ST18: variants seen among roughly 807,000 people sequenced by gnomAD.
ST18 encodes the protein suppression of tumorigenicity 18 protein.
In ST18, 50 loss-of-function variants were observed where a neutral mutation model predicts 110.0. The ratio of observed to expected loss-of-function variants is 0.45; its 90% CI spans 0.36 to 0.58. The LOEUF is 0.58. Ranked by LOEUF, ST18 falls within the 20% of genes least tolerant of loss-of-function variation. The pLI, the probability that ST18 is intolerant of heterozygous loss-of-function variation, is 0.00. For missense variants in ST18, 1,306 were observed against 1,280.1 expected (o/e 1.02, Z -0.31); for synonymous variants, 461 against 452.4 (o/e 1.02, Z -0.24).
At chr8:52,185,009 G>GA (rs1324629229) in intron 8 of ST18, among the ~76,000 whole-genome samples, 1 of 151,952 alleles carries the variant, frequency 6.6e-6, no homozygotes, top group Admixed American at 6.6e-5. Flanking sequence ...GATTGAAAAA[G>GA]AAAAAATTAA....
chr8:52,268,469 A>ATCTG (rs1365315019), intron 2 of ST18, among the ~76,000 whole-genome samples: 1 of 11,584 alleles, frequency 8.6e-5, no homozygotes, highest in Non-Finnish European at 2.3e-4. Flanking sequence ...TCTATCTATC[A>ATCTG]TCTATCTATC....
chr8:52,280,050 T>A (rs1305395094), intron 2 of ST18, among the ~76,000 whole-genome samples: 1 of 152,188 alleles, frequency 6.6e-6, no homozygotes, highest in African/African-American at 2.4e-5. Flanking sequence ...GAGGGTGGGT[T>A]TGAGTTGAAG....
At chr8:52,136,837 A>G (rs2052593600) in intron 18 of ST18, among the ~76,000 whole-genome samples, 179 bp from the exon 19 acceptor site, 1 of 152,168 alleles carries the variant, frequency 6.6e-6, no homozygotes, top group African/African-American at 2.4e-5. Context: ...TGGCACTTCA[A>G]CTATTTCTCA....
chr8:52,343,844 C>T (rs140363789), intron 2 of ST18, among the ~76,000 whole-genome samples: 120 of 152,284 alleles, frequency 7.9e-4, no homozygotes, highest in East Asian at 6.0e-3. Context: ...TTTATATTTT[C>T]ACTGGAAAGT....
intron 2 of ST18, among the ~76,000 whole-genome samples, chr8:52,299,661 A>T (rs909610454): frequency 1.1e-4 from 16 of 152,118 alleles, no homozygotes; most frequent in African/African-American, 3.9e-4. Flanking sequence ...ATTGTTTTGG[A>T]GCCAGTTTTT....
intron 2 of ST18, among the ~76,000 whole-genome samples, chr8:52,333,481 AC>A (rs1810573387): frequency 6.6e-6 from 1 of 152,174 alleles, no homozygotes; most frequent in South Asian, 2.1e-4. Context: ...TTGAAAGGAA[AC>A]AGAAAAAAAT....
intron 2 of ST18, among the ~76,000 whole-genome samples, chr8:52,296,089 T>A (rs2139435501): frequency 6.6e-6 from 1 of 152,276 alleles, no homozygotes; most frequent in Middle Eastern, 3.4e-3. Flanking sequence ...GTTCGGCAGC[T>A]GCTTGGCGTC....
chr8:52,342,691 T>C (rs1267526893), intron 2 of ST18, among the ~76,000 whole-genome samples: 3 of 152,136 alleles, frequency 2.0e-5, no homozygotes, highest in African/African-American at 2.4e-5. Flanking sequence ...GCATTTCTAA[T>C]GGGCTGTGAA....
chr8:52,265,261 T>G (rs1399058476), intron 2 of ST18, among the ~76,000 whole-genome samples: 1 of 151,960 alleles, frequency 6.6e-6, no homozygotes, highest in Non-Finnish European at 1.5e-5. Context: ...GTGCAACAGG[T>G]GAACAATGGG....
At chr8:52,221,922 A>AC (rs2086904701) in intron 3 of ST18, 129 bp from the exon 4 acceptor site, 1 of 150,564 alleles carries the variant, frequency 6.6e-6, no homozygotes, top group African/African-American at 2.5e-5. Flanking sequence ...AAAAAAAAAA[A>AC]CGGCTTTCTC....
At chr8:52,219,746 A>T (rs1290913352) in intron 5 of ST18, among the ~76,000 whole-genome samples, 1 of 152,216 alleles carries the variant, frequency 6.6e-6, no homozygotes, top group Non-Finnish European at 1.5e-5. Flanking sequence ...GATGATTTTC[A>T]AAGGAAATTT....
chr8:52,115,243 A>G (rs1484044739), intron 25 of ST18, among the ~76,000 whole-genome samples: 2 of 152,208 alleles, frequency 1.3e-5, no homozygotes, highest in Non-Finnish European at 2.9e-5. Context: ...ATAATTTCAT[A>G]TATAAAATAG....
intron 9 of ST18, among the ~76,000 whole-genome samples, chr8:52,179,738 C>A (rs2068586848): frequency 1.3e-5 from 2 of 151,928 alleles, no homozygotes; most frequent in Admixed American, 6.6e-5. Context: ...TTGATCATTG[C>A]AAAGGTGTCT....
At chr8:52,196,211 TG>T (rs1245281169) in intron 8 of ST18, among the ~76,000 whole-genome samples, 8 of 152,194 alleles carry the variant, frequency 5.3e-5, no homozygotes, top group Non-Finnish European at 8.8e-5. Context: ...CTGCCTAGGC[TG>T]GGTCTACAAG....
At chr8:52,289,918 A>T (rs1298938537) in intron 2 of ST18, among the ~76,000 whole-genome samples, 1 of 151,838 alleles carries the variant, frequency 6.6e-6, no homozygotes, top group African/African-American at 2.4e-5. Context: ...GGGGCTGATT[A>T]TACCTTTTTT....
intron 8 of ST18, among the ~76,000 whole-genome samples, chr8:52,200,082 GT>G (rs534479936): frequency 5.4e-4 from 81 of 151,366 alleles, no homozygotes; most frequent in African/African-American, 3.9e-4. Context: ...CATTTATTCA[GT>G]TTTTTTTTAT....
chr8:52,283,414 T>C (rs781138414), intron 2 of ST18, among the ~76,000 whole-genome samples: 3 of 151,986 alleles, frequency 2.0e-5, no homozygotes, highest in Non-Finnish European at 2.9e-5. Context: ...GTGACTTAGG[T>C]CACTCCACAG....
At chr8:52,334,862 A>G (rs1366112170) in intron 2 of ST18, among the ~76,000 whole-genome samples, 1 of 152,144 alleles carries the variant, frequency 6.6e-6, no homozygotes, top group Non-Finnish European at 1.5e-5. Flanking sequence ...CCAACTGCCC[A>G]TTCCCGCATG....
At chr8:52,402,642 G>C (rs1291114026) in intron 2 of ST18, among the ~76,000 whole-genome samples, 2 of 152,142 alleles carry the variant, frequency 1.3e-5, no homozygotes, top group Non-Finnish European at 2.9e-5. Context: ...TGATGACTAT[G>C]GTCCCAGAGC....
Sources: allele counts gnomAD v4.1 joint callset (sites outside exome capture counted in the v4.1 genomes callset), GRCh38; gene constraint gnomAD v4.1.1; transcripts MANE v1.5; gene names NCBI Gene and HGNC (gene_info 2026-07-23, HGNC 2026-07-21).